PHACTR3: variants seen among roughly 807,000 people sequenced by gnomAD.
The protein encoded by PHACTR3 is protein phosphatase 1, regulatory subunit 123.
In PHACTR3, 16 loss-of-function variants were observed where a neutral mutation model predicts 66.8. That is an observed-to-expected ratio of 0.24 (90% CI 0.16 to 0.36). The LOEUF is 0.36. PHACTR3 is among the 10% of genes least tolerant of loss of function. The probability of loss-of-function intolerance (pLI) is 1.00; values close to 1 mark genes in which losing one functional copy is unlikely to be tolerated. For missense variants in PHACTR3, 647 were observed against 719.9 expected, an observed-to-expected ratio of 0.90 and a Z score of 1.16; for synonymous variants, 323 against 292.1, an observed-to-expected ratio of 1.11 and a Z score of -1.08.
chr20:59,840,527 T>C lies in PHACTR3; in HGVS notation c.1446+97T>C, dbSNP rs1399581132. Reference sequence around the variant, plus strand: ...ATGGGTAATGCTAGGTATCACTCTGTGATCATGAATAATGTTCTCCTGGAC... The same window carrying C: ...ATGGGTAATGCTAGGTATCACTCTGCGATCATGAATAATGTTCTCCTGGAC... On this transcript the variant is annotated intron_variant, in intron 10 of 12. Coordinates refer to ENST00000371015, the MANE Select transcript of PHACTR3 (RefSeq NM_080672.5). The C allele has an allele frequency of 2.6e-6, 4 of 1,526,384 alleles. No homozygotes were observed. The East Asian group carries it at 6.9e-5, about 26-fold the overall frequency. The allele number at this position is 1,526,384 out of a possible 1,614,324, so 94.6% of individuals were successfully genotyped here.
At chr20:59,705,338 C>T (rs116985950) in intron 1 of PHACTR3, among the ~76,000 whole-genome samples, 2,385 of 152,156 alleles carry the variant, frequency 0.016, 36 homozygotes, top group Non-Finnish European at 0.025. Context: ...CAATTTATTA[C>T]GAGTTTTATT....
intron 1 of PHACTR3, among the ~76,000 whole-genome samples, chr20:59,686,851 G>GTGA (rs1201457126): frequency 1.6e-4 from 22 of 133,624 alleles, no homozygotes; most frequent in Non-Finnish European, 3.2e-4. Context: ...GGTGATGATG[G>GTGA]TGATGATGAT....
intron 1 of PHACTR3, among the ~76,000 whole-genome samples, chr20:59,594,803 T>A (rs924767204): frequency 1.3e-5 from 2 of 152,192 alleles, no homozygotes; most frequent in South Asian, 2.1e-4. Context: ...TATGCTCTAA[T>A]TTTTTATTAA....
chr20:59,639,221 G>A (rs2035018008), intron 1 of PHACTR3, among the ~76,000 whole-genome samples: 1 of 152,122 alleles, frequency 6.6e-6, no homozygotes, highest in African/African-American at 2.4e-5. Flanking sequence ...GACAGTGGTG[G>A]AAGGACAGGT....
chr20:59,723,541 T>C (rs997530464), intron 1 of PHACTR3, among the ~76,000 whole-genome samples: 3 of 152,162 alleles, frequency 2.0e-5, no homozygotes, highest in African/African-American at 7.2e-5. Flanking sequence ...TTTGTGTCTA[T>C]TATGAGTAGA....
chr20:59,645,585 C>G (rs1322210567), intron 1 of PHACTR3, among the ~76,000 whole-genome samples: 1 of 152,132 alleles, frequency 6.6e-6, no homozygotes, highest in Non-Finnish European at 1.5e-5. Flanking sequence ...GTGCTCATCA[C>G]CATCTGGACA....
chr20:59,646,296 G>A (rs770597636), intron 1 of PHACTR3, among the ~76,000 whole-genome samples: 1 of 152,150 alleles, frequency 6.6e-6, no homozygotes, highest in Non-Finnish European at 1.5e-5. Flanking sequence ...TATTCAGCAA[G>A]GGCTGTTTTA....
chr20:59,587,411 C>T (rs2033064494), intron 1 of PHACTR3, among the ~76,000 whole-genome samples: 1 of 152,230 alleles, frequency 6.6e-6, no homozygotes, highest in African/African-American at 2.4e-5. Flanking sequence ...TTCTCTGAGC[C>T]TGGCTTTCCT....
chr20:59,705,879 G>A (rs1387548716), intron 1 of PHACTR3, among the ~76,000 whole-genome samples: 2 of 152,292 alleles, frequency 1.3e-5, no homozygotes, highest in African/African-American at 4.8e-5. Flanking sequence ...TGGCCTTTGA[G>A]CCTGAGGAGG....
intron 1 of PHACTR3, among the ~76,000 whole-genome samples, chr20:59,739,201 T>C (rs2039061834): frequency 6.6e-6 from 1 of 152,068 alleles, no homozygotes; most frequent in South Asian, 2.1e-4. Flanking sequence ...AAAAACACAG[T>C]GGAGGATGCC....
chr20:59,651,854 TAG>T (rs2035470048), intron 1 of PHACTR3, among the ~76,000 whole-genome samples: 1 of 151,660 alleles, frequency 6.6e-6, no homozygotes, highest in Non-Finnish European at 1.5e-5. Flanking sequence ...GGTAGGTAGG[TAG>T]GTAGGTAGGT....
intron 4 of PHACTR3, among the ~76,000 whole-genome samples, chr20:59,758,231 T>C (rs1161354473): frequency 6.6e-6 from 1 of 152,196 alleles, no homozygotes; most frequent in Non-Finnish European, 1.5e-5. Context: ...GAATGGCATG[T>C]GGACAGACAA....
chr20:59,614,604 G>A (rs1568934802), intron 1 of PHACTR3, among the ~76,000 whole-genome samples: 1 of 152,200 alleles, frequency 6.6e-6, no homozygotes, highest in Admixed American at 6.5e-5. Flanking sequence ...TACGACCTAA[G>A]AAGTGTGTTT....
intron 9 of PHACTR3, among the ~76,000 whole-genome samples, chr20:59,840,015 C>A (rs569846302): frequency 1.3e-5 from 2 of 152,144 alleles, no homozygotes; most frequent in Non-Finnish European, 2.9e-5. Flanking sequence ...TATGTGGCAT[C>A]TAAGTGCTAG....
At chr20:59,640,446 A>G (rs1380160551) in intron 1 of PHACTR3, among the ~76,000 whole-genome samples, 1 of 152,162 alleles carries the variant, frequency 6.6e-6, no homozygotes, top group Non-Finnish European at 1.5e-5. Flanking sequence ...GCGGTCTTCA[A>G]CCAGTCTTGG....
chr20:59,656,182 C>A (rs370202222), intron 1 of PHACTR3, among the ~76,000 whole-genome samples: 1 of 151,750 alleles, frequency 6.6e-6, no homozygotes. Context: ...TACTGTTGTT[C>A]ATCTTTTCTT....
intron 1 of PHACTR3, among the ~76,000 whole-genome samples, chr20:59,675,064 C>T (rs1272810471): frequency 1.8e-5 from 2 of 114,224 alleles, no homozygotes; most frequent in Non-Finnish European, 3.5e-5. Context: ...TCCTCCTTTT[C>T]CCCCTCTCTT....
At chr20:59,657,229 A>G (rs1395147951) in intron 1 of PHACTR3, among the ~76,000 whole-genome samples, 1 of 150,932 alleles carries the variant, frequency 6.6e-6, no homozygotes, top group Non-Finnish European at 1.5e-5. Flanking sequence ...ACATTTCTGT[A>G]TGTTATAGGC....
At chr20:59,746,838 G>A (rs4810188) in intron 2 of PHACTR3, among the ~76,000 whole-genome samples, 12,028 of 152,264 alleles carry the variant, frequency 0.079, 925 homozygotes, top group East Asian at 0.34. Flanking sequence ...CCCAGTGGTC[G>A]GAGAAGACCC....
Sources: allele counts gnomAD v4.1 joint callset (sites outside exome capture counted in the v4.1 genomes callset), GRCh38; gene constraint gnomAD v4.1.1; transcripts MANE v1.5; gene names NCBI Gene and HGNC (gene_info 2026-07-23, HGNC 2026-07-21).